ASTN1: variants seen among roughly 807,000 people sequenced by gnomAD.
ASTN1 encodes astrotactin 1, also known as astrotactin-1.
ASTN1 carries 41 observed loss-of-function variants against 140.7 expected under a neutral mutation model. The observed-to-expected ratio is 0.29, with a 90% CI of 0.23 to 0.38. The LOEUF is 0.38. Ranked by LOEUF, ASTN1 falls within the 10% of genes least tolerant of loss-of-function variation. The pLI is 1.00. For missense variants in ASTN1, 1,479 were observed against 1,678.8 expected, an observed-to-expected ratio of 0.88 and a Z score of 2.08; for synonymous variants, 640 against 652.2, an observed-to-expected ratio of 0.98 and a Z score of 0.29.
chr1:177,058,783 C>T (rs891434294), intron 2 of ASTN1, among the ~76,000 whole-genome samples: 4 of 151,390 alleles, frequency 2.6e-5, no homozygotes, highest in African/African-American at 9.7e-5. Flanking sequence ...TTTGGTGCTC[C>T]CATCCCCCCA....
chr1:177,011,499 G>A (rs1310793192), intron 8 of ASTN1, among the ~76,000 whole-genome samples: 4 of 151,928 alleles, frequency 2.6e-5, no homozygotes, highest in African/African-American at 9.7e-5. Flanking sequence ...CAAATGAGTA[G>A]GAGAATAAAT....
At chr1:176,919,152 C>G (rs1159241112) in intron 16 of ASTN1, among the ~76,000 whole-genome samples, 1 of 152,158 alleles carries the variant, frequency 6.6e-6, no homozygotes, top group Non-Finnish European at 1.5e-5. Context: ...TCCTTCACAC[C>G]TACTCTAACA....
intron 1 of ASTN1, among the ~76,000 whole-genome samples, chr1:177,072,776 C>G (rs1208623499): frequency 1.3e-5 from 2 of 152,164 alleles, no homozygotes; most frequent in South Asian, 2.1e-4. Context: ...TAGATGAAGT[C>G]TATGCACCAT....
At chr1:176,869,091 A>T in intron 21 of ASTN1, 64 bp from the exon 22 acceptor site, 1 of 1,132,236 alleles carries the variant, frequency 8.8e-7, no homozygotes, top group Non-Finnish European at 1.2e-6. Flanking sequence ...ATATATACAC[A>T]CATTATATAT....
Position 177,154,487 on chromosome 1 carries a change from G to A in ASTN1, c.283+9907C>T, listed in dbSNP as rs1226542043. 3.9e-5 allele frequency among the ~76,000 whole-genome samples: 6 copies of A among 152,096 alleles called. No homozygotes were observed. In the East Asian group the frequency reaches 5.8e-4, roughly 15 times the overall value. On this transcript the variant is annotated intron_variant, in intron 1 of 22. Transcript: ENST00000361833. ...GATAAGGCAGAACTCGAATATTACC[G>A]TTATTACAGAAATCCCTATTGGACA... is the stretch of plus-strand genomic sequence containing the variant.
At chr1:177,058,565 C>T (rs970220335) in intron 2 of ASTN1, among the ~76,000 whole-genome samples, 2 of 152,142 alleles carry the variant, frequency 1.3e-5, no homozygotes, top group African/African-American at 4.8e-5. Context: ...TCCACTAATT[C>T]TTGCTCAGGG....
At chr1:177,036,363 T>C (rs192700085) in intron 2 of ASTN1, among the ~76,000 whole-genome samples, 9 of 152,240 alleles carry the variant, frequency 5.9e-5, no homozygotes, top group East Asian at 1.9e-4. Flanking sequence ...AGCTTTCTAA[T>C]AATCAGTTAC....
chr1:176,957,824 C>T lies in ASTN1; in HGVS notation c.1741G>A (p.Glu581Lys), dbSNP rs1672479011. The change falls in exon 11 of 23, where the codon GAG (glutamate) becomes AAG (lysine). Residue 581 changes from glutamate (E) to lysine (K), a missense_variant. Coordinates refer to ENST00000361833, the MANE Select transcript of ASTN1 (RefSeq NM_004319.3). ...VMEDAVEVRE[E>K]LMTSSSFDSL... ...TCGAAGGAGGATGAAGTCATCAGCT[C>T]CTCTCTGTGGGGAGAAAGAGTGGGA... The T allele has an allele frequency of 1.2e-6, 2 of 1,613,636 alleles. No homozygotes were observed. Among genetic ancestry groups the T allele is most frequent in the South Asian group, 1.1e-5 (1 of 90,992 alleles).
At chr1:176,938,428 C>A (rs1029726633) in intron 14 of ASTN1, among the ~76,000 whole-genome samples, 1 of 152,120 alleles carries the variant, frequency 6.6e-6, no homozygotes, top group Non-Finnish European at 1.5e-5. Context: ...TTAGGCAAAG[C>A]CACCTTTAAT....
At chr1:177,076,537 T>A (rs1678921943) in intron 1 of ASTN1, among the ~76,000 whole-genome samples, 1 of 151,096 alleles carries the variant, frequency 6.6e-6, no homozygotes, top group African/African-American at 2.4e-5. Flanking sequence ...TTTTTTTTTT[T>A]ATGAGATGGA....
chr1:177,009,550 G>A (rs1056812779), intron 8 of ASTN1, among the ~76,000 whole-genome samples: 4 of 152,164 alleles, frequency 2.6e-5, no homozygotes, highest in South Asian at 2.1e-4. Context: ...ACTCCTGAGC[G>A]GGTGAGAAGT....
intron 15 of ASTN1, 55 bp from the exon 16 acceptor site, chr1:176,934,395 G>A (rs1671344237): frequency 4.7e-6 from 7 of 1,504,042 alleles, no homozygotes; most frequent in East Asian, 2.3e-5. Flanking sequence ...TTGGGTATAC[G>A]GATTCCCAGG....
At chr1:176,991,740 T>C (rs1472062829) in intron 8 of ASTN1, among the ~76,000 whole-genome samples, 5 of 152,184 alleles carry the variant, frequency 3.3e-5, no homozygotes, top group South Asian at 4.1e-4. Context: ...AGACTGACTA[T>C]CTTGGGTTCA....
At chr1:176,900,473 TCCCCACCC>T (rs1669719982) in intron 16 of ASTN1, among the ~76,000 whole-genome samples, 1 of 152,108 alleles carries the variant, frequency 6.6e-6, no homozygotes, top group Non-Finnish European at 1.5e-5. Context: ...TCTCTCTTTC[TCCCCACCC>T]CATCAACTAA....
chr1:176,890,273 A>G (rs955458980), intron 17 of ASTN1, among the ~76,000 whole-genome samples: 2 of 152,240 alleles, frequency 1.3e-5, no homozygotes, highest in Non-Finnish European at 2.9e-5. Context: ...GGAAGGGTAG[A>G]TAAGCTTACA....
downstream of ASTN1, among the ~76,000 whole-genome samples, chr1:176,857,953 A>G (rs950908879): frequency 1.3e-5 from 2 of 152,218 alleles, no homozygotes; most frequent in Non-Finnish European, 2.9e-5. Context: ...TTGGACACCA[A>G]TAGCCTCAGG....
intron 20 of ASTN1, among the ~76,000 whole-genome samples, chr1:176,879,891 G>A (rs550931787): frequency 6.6e-6 from 1 of 152,338 alleles, no homozygotes; most frequent in South Asian, 2.1e-4. Flanking sequence ...TGAAAGAGCA[G>A]TCAGTTTATT....
intron 20 of ASTN1, among the ~76,000 whole-genome samples, chr1:176,878,658 A>G (rs928622000): frequency 2.0e-5 from 3 of 151,808 alleles, no homozygotes; most frequent in Non-Finnish European, 2.9e-5. Context: ...GTTCAATCCC[A>G]CAATCCAGTC....
chr1:176,891,105 G>A (rs1336810931), intron 17 of ASTN1, among the ~76,000 whole-genome samples: 2 of 152,126 alleles, frequency 1.3e-5, no homozygotes, highest in Admixed American at 6.5e-5. Flanking sequence ...GCAAACTGTT[G>A]GATGAGGATA....
Sources: gnomAD v4.1 joint callset for allele counts (sites outside exome capture counted in the v4.1 genomes callset) on GRCh38, gnomAD v4.1.1 for gene constraint, MANE v1.5 for transcripts, NCBI Gene and HGNC (gene_info 2026-07-23, HGNC 2026-07-21) for gene names.